The following FMN2 variants were observed in gnomAD, a reference collection of about 807,000 sequenced individuals.
The protein encoded by FMN2 is formin 2, also known as formin-2.
Under a neutral mutation model 142.3 loss-of-function variants are expected in FMN2, and 51 were observed. The observed-to-expected ratio is 0.36, with a 90% CI of 0.29 to 0.45. The LOEUF (loss-of-function observed/expected upper bound fraction) is 0.45, where lower values mean the gene tolerates loss of function less well. FMN2 is among the 20% of genes least tolerant of loss of function. The pLI, the probability that FMN2 is intolerant of heterozygous loss-of-function variation, is 1.00. For synonymous variants in FMN2, 882 were observed against 869.8 expected, an observed-to-expected ratio of 1.01 and a Z score of -0.25; for missense variants, 1,936 against 2,122.8, an observed-to-expected ratio of 0.91 and a Z score of 1.73.
At chr1:240,366,616 C>T (rs1364215267) in intron 14 of FMN2, among the ~76,000 whole-genome samples, 4 of 151,514 alleles carry the variant, frequency 2.6e-5, no homozygotes, top group Non-Finnish European at 5.9e-5. Context: ...CTCGGCTCAC[C>T]GCAACCTCCG....
At chr1:240,384,525 C>T (rs535830574) in intron 14 of FMN2, among the ~76,000 whole-genome samples, 2 of 152,078 alleles carry the variant, frequency 1.3e-5, no homozygotes, top group South Asian at 4.1e-4. Context: ...TGTCTTTTTT[C>T]CCACTGTTCA....
chr1:240,112,600 T>A (rs971779569), intron 1 of FMN2, among the ~76,000 whole-genome samples: 3 of 152,360 alleles, frequency 2.0e-5, no homozygotes, highest in Middle Eastern at 3.4e-3. Context: ...TATAAATTTC[T>A]CAGAAACTAG....
intron 15 of FMN2, among the ~76,000 whole-genome samples, chr1:240,397,970 T>C (rs1218221628): frequency 6.6e-6 from 1 of 151,094 alleles, no homozygotes; most frequent in East Asian, 2.0e-4. Flanking sequence ...TTAAAGAAGT[T>C]CTCTGCCATT....
chr1:240,362,442 A>G (rs1188566928), intron 14 of FMN2, among the ~76,000 whole-genome samples: 1 of 152,216 alleles, frequency 6.6e-6, no homozygotes, highest in Non-Finnish European at 1.5e-5. Flanking sequence ...ATATAGAAAG[A>G]TGAGATAAAT....
In FMN2 at chr1:240,166,889, A is replaced by G. The variant is rs190282278; in HGVS notation, c.1783-11032A>G. Among the ~76,000 whole-genome samples the G allele has an allele frequency of 1.9e-3, 293 of 152,330 alleles. 1 individual carries two copies. The highest frequency in any genetic ancestry group is 3.4e-3 in the Non-Finnish European group (233 of 68,026). On this transcript the variant is annotated intron_variant, in intron 2 of 17. Coordinates refer to ENST00000319653, the MANE Select transcript of FMN2 (RefSeq NM_020066.5). ...GTAATCCCAGAACTTTGGGAGGCCG[A>G]GGCAGGCGGATAACCTGAGGTCAGG...
chr1:240,395,001 T>C (rs1673728297), intron 15 of FMN2, among the ~76,000 whole-genome samples: 1 of 152,104 alleles, frequency 6.6e-6, no homozygotes, highest in South Asian at 2.1e-4. Context: ...TTTTAAAAAG[T>C]GAAGCTTCAG....
Position 240,092,915 on chromosome 1 carries a change from C to G in FMN2, c.806C>G (p.Thr269Ser), listed in dbSNP as rs759794039. Residue 269 changes from threonine (T) to serine (S), a missense_variant, in exon 1 of 18, where the codon ACC (threonine) becomes AGC (serine). By Grantham distance (58) the Thr-to-Ser change is moderately conservative. Coordinates refer to ENST00000319653, the MANE Select transcript of FMN2 (RefSeq NM_020066.5). Reference sequence around the variant, plus strand: ...GGGGAGGCCCCGGGCAGTCCGGACACCGAGCAGGCGCTGTCCGCGCTCTCC... The same window carrying G: ...GGGGAGGCCCCGGGCAGTCCGGACAGCGAGCAGGCGCTGTCCGCGCTCTCC... ...GAGEAPGSPD[T>S]EQALSALSDL... 408 of 1,488,966 alleles carry G rather than the reference C, an allele frequency of 2.7e-4. No homozygotes were observed. Among genetic ancestry groups the G allele is most frequent in the Non-Finnish European group, 3.5e-4 (396 of 1,127,616 alleles). 92.2% of individuals were successfully genotyped at this position (1,488,966 alleles called of 1,614,324 possible). A position where few individuals can be genotyped will look rare whatever the true frequency, so the allele number is the denominator to read the frequency against.
intron 8 of FMN2, 90 bp downstream of exon 8, chr1:240,294,973 C>T (rs1369780377): frequency 7.7e-6 from 9 of 1,166,344 alleles, no homozygotes; most frequent in Non-Finnish European, 1.1e-5. Context: ...TTTTAAGGTC[C>T]TCTAAAGAAA....
intron 7 of FMN2, among the ~76,000 whole-genome samples, chr1:240,264,615 A>C (rs994109074): frequency 1.3e-5 from 2 of 152,058 alleles, no homozygotes; most frequent in Admixed American, 6.6e-5. Context: ...CCCACTTATG[A>C]GTGAGAACAT....
At chr1:240,369,587 T>C (rs1341672672) in intron 14 of FMN2, among the ~76,000 whole-genome samples, 1 of 152,208 alleles carries the variant, frequency 6.6e-6, no homozygotes, top group Non-Finnish European at 1.5e-5. Flanking sequence ...TGTGAACATA[T>C]CTTTATATCA....
intron 3 of FMN2, among the ~76,000 whole-genome samples, chr1:240,178,598 C>A (rs552491154): frequency 6.6e-6 from 1 of 151,986 alleles, no homozygotes; most frequent in Non-Finnish European, 1.5e-5. Context: ...TACACCACCA[C>A]GTCCAGCTAA....
At chr1:240,272,084 A>G (rs982043324) in intron 7 of FMN2, among the ~76,000 whole-genome samples, 10 of 152,100 alleles carry the variant, frequency 6.6e-5, no homozygotes, top group Non-Finnish European at 7.4e-5. Context: ...ATTGAGAATC[A>G]TGTATTTGTT....
At chr1:240,427,255 G>A (rs1384665266) in intron 15 of FMN2, among the ~76,000 whole-genome samples, 1 of 151,052 alleles carries the variant, frequency 6.6e-6, no homozygotes, top group Non-Finnish European at 1.5e-5. Flanking sequence ...TCCCAGGCTG[G>A]AGTGCAGTAG....
chr1:240,152,374 T>A (rs1258174107), intron 2 of FMN2, among the ~76,000 whole-genome samples: 1 of 152,184 alleles, frequency 6.6e-6, no homozygotes, highest in Non-Finnish European at 1.5e-5. Flanking sequence ...GGTTTCCTTT[T>A]ATAAGGCTAT....
chr1:240,447,877 G>C (rs1207144571), intron 16 of FMN2, among the ~76,000 whole-genome samples: 1 of 152,184 alleles, frequency 6.6e-6, no homozygotes, highest in African/African-American at 2.4e-5. Context: ...GTGAATGATA[G>C]CTCAGTCAGG....
intron 15 of FMN2, among the ~76,000 whole-genome samples, chr1:240,413,624 A>T (rs1252964829): frequency 6.6e-6 from 1 of 152,180 alleles, no homozygotes; most frequent in Non-Finnish European, 1.5e-5. Context: ...ATAGAGGGGC[A>T]TTGTCAGGCT....
chr1:240,439,279 A>AAAAAAAAAAGAAAGAAAGAAAGAAAG lies in FMN2; in HGVS notation c.5060+1072_5060+1073insAAAAAAGAAAGAAAGAAAGAAAGAAA, dbSNP rs555074808. Among the ~76,000 whole-genome samples, 260 of 124,738 alleles carry AAAAAAAAAAGAAAGAAAGAAAGAAAG rather than the reference A, an allele frequency of 2.1e-3. 3 individuals are homozygous for AAAAAAAAAAGAAAGAAAGAAAGAAAG. The highest frequency in any genetic ancestry group is 0.015 in the East Asian group (63 of 4,068). The allele number at this position is 124,738 out of a possible 152,430, so 81.8% of individuals were successfully genotyped here. On this transcript the variant is annotated intron_variant, in intron 16 of 17. Transcript: ENST00000319653. ...CAGAGCAAGGCTGTCTCAAAAAAAA[A>AAAAAAAAAAGAAAGAAAGAAAGAAAG]AAAGAAAGAAAGAAAGAAAGAAAGA...
chr1:240,254,989 C>T (rs990403258), intron 6 of FMN2, among the ~76,000 whole-genome samples: 18 of 152,158 alleles, frequency 1.2e-4, no homozygotes, highest in Non-Finnish European at 4.4e-5. Context: ...GCCTGATCTC[C>T]GGGTGGCTCC....
chr1:240,409,716 AT>A (rs1674334225), intron 15 of FMN2, among the ~76,000 whole-genome samples: 2 of 152,190 alleles, frequency 1.3e-5, no homozygotes, highest in Non-Finnish European at 2.9e-5. Flanking sequence ...GTATTGTAGT[AT>A]TTTAATAGAC....
Sources: allele counts gnomAD v4.1 joint callset (sites outside exome capture counted in the v4.1 genomes callset), GRCh38; gene constraint gnomAD v4.1.1; transcripts MANE v1.5; gene names NCBI Gene and HGNC (gene_info 2026-07-23, HGNC 2026-07-21).